NAV2: variants seen among roughly 807,000 people sequenced by gnomAD.
The protein encoded by NAV2 is helicase, APC down-regulated 1.
In NAV2, 54 loss-of-function variants were observed where a neutral mutation model predicts 223.2. The ratio of observed to expected loss-of-function variants is 0.24; its 90% confidence interval spans 0.19 to 0.30. The LOEUF is 0.30. Ranked by LOEUF, NAV2 falls within the 10% of genes least tolerant of loss-of-function variation. NAV2 has a pLI of 1.00. For missense variants in NAV2, 2,806 were observed against 3,147.5 expected, an observed-to-expected ratio of 0.89 and a Z score of 2.60; for synonymous variants, 1,279 against 1,239.3, an observed-to-expected ratio of 1.03 and a Z score of -0.67.
intron 12 of NAV2, among the ~76,000 whole-genome samples, chr11:20,038,683 A>G (rs906883353): frequency 2.0e-5 from 3 of 152,136 alleles, no homozygotes; most frequent in African/African-American, 7.2e-5. Flanking sequence ...GGTTCCTGTC[A>G]CATACTGGTT....
At chr11:19,492,417 G>A (rs1054174219) in intron 1 of NAV2, among the ~76,000 whole-genome samples, 1 of 152,102 alleles carries the variant, frequency 6.6e-6, no homozygotes, top group Non-Finnish European at 1.5e-5. Context: ...ATATCAGCAT[G>A]TGTCTGAAAG....
At chr11:19,600,699 T>C (rs896435677) in intron 1 of NAV2, among the ~76,000 whole-genome samples, 3 of 152,220 alleles carry the variant, frequency 2.0e-5, no homozygotes, top group Non-Finnish European at 2.9e-5. Context: ...CAATAGTAAC[T>C]ACTTTGTAGT....
intron 1 of NAV2, among the ~76,000 whole-genome samples, chr11:19,761,823 G>C (rs746213301): frequency 1.8e-4 from 28 of 152,144 alleles, no homozygotes; most frequent in Non-Finnish European, 7.3e-5. Context: ...CATGCTCCCG[G>C]TTTTCTCCTA....
intron 6 of NAV2, among the ~76,000 whole-genome samples, chr11:19,910,365 A>T (rs1030830048): frequency 2.0e-5 from 3 of 152,202 alleles, no homozygotes; most frequent in African/African-American, 7.2e-5. Context: ...CCAATGCCAG[A>T]TGAGTGGTCC....
intron 1 of NAV2, among the ~76,000 whole-genome samples, chr11:19,821,050 CAGA>C (rs1213657895): frequency 2.0e-5 from 3 of 152,110 alleles, no homozygotes; most frequent in African/African-American, 7.2e-5. Flanking sequence ...ATCACGAGGT[CAGA>C]AGATTGAGAC....
intron 1 of NAV2, among the ~76,000 whole-genome samples, chr11:19,357,782 C>T (rs1203440281): frequency 6.6e-6 from 1 of 152,146 alleles, no homozygotes; most frequent in African/African-American, 2.4e-5. Flanking sequence ...TGTAGCAATC[C>T]TGTAATAACT....
At chr11:19,695,890 T>TAAAATAAAATAAAATAAAATAATA (rs1265405901) in intron 1 of NAV2, among the ~76,000 whole-genome samples, 1 of 148,984 alleles carries the variant, frequency 6.7e-6, no homozygotes, top group Non-Finnish European at 1.5e-5. Flanking sequence ...GATGAAATAA[T>TAAAATAAAATAAAATAAAATAATA]AAAATAAAAT....
intron 3 of NAV2, among the ~76,000 whole-genome samples, chr11:19,848,650 G>A (rs1245995750): frequency 1.3e-5 from 2 of 152,234 alleles, no homozygotes; most frequent in Non-Finnish European, 2.9e-5. Flanking sequence ...AGGCTTCCAT[G>A]AGACAATCTA....
chr11:19,395,393 G>A (rs1469815271), intron 1 of NAV2, among the ~76,000 whole-genome samples: 2 of 152,204 alleles, frequency 1.3e-5, no homozygotes, highest in East Asian at 3.9e-4. Flanking sequence ...GATGTAGAGA[G>A]GACTCTTGTT....
At chr11:19,463,605 G>A (rs1254324043) in intron 1 of NAV2, among the ~76,000 whole-genome samples, 1 of 152,222 alleles carries the variant, frequency 6.6e-6, no homozygotes, top group Non-Finnish European at 1.5e-5. Flanking sequence ...GGAAAGCAGA[G>A]GTCCCCAGGA....
At chr11:19,957,351 G>C (rs1367516349) in intron 10 of NAV2, among the ~76,000 whole-genome samples, 2 of 152,114 alleles carry the variant, frequency 1.3e-5, no homozygotes, top group Non-Finnish European at 2.9e-5. Context: ...AATATCCCAG[G>C]CAAGTACAAT....
intron 37 of NAV2, among the ~76,000 whole-genome samples, chr11:20,117,836 A>G (rs1672279916): frequency 6.6e-6 from 1 of 152,230 alleles, no homozygotes; most frequent in African/African-American, 2.4e-5. Context: ...CTCTACGTAT[A>G]TTAACTCAAT....
intron 1 of NAV2, among the ~76,000 whole-genome samples, chr11:19,801,726 A>G (rs2058274145): frequency 6.6e-6 from 1 of 152,182 alleles, no homozygotes; most frequent in African/African-American, 2.4e-5. Context: ...ATCTGAGTTC[A>G]AATCCCGGCA....
At chr11:19,689,775 T>G (rs1364015170) in intron 1 of NAV2, among the ~76,000 whole-genome samples, 1 of 152,206 alleles carries the variant, frequency 6.6e-6, no homozygotes, top group Non-Finnish European at 1.5e-5. Context: ...TTGCAGGGTT[T>G]TGGTGTCACT....
intron 1 of NAV2, among the ~76,000 whole-genome samples, chr11:19,583,641 G>A (rs1200061937): frequency 2.6e-5 from 4 of 152,158 alleles, no homozygotes; most frequent in African/African-American, 7.2e-5. Context: ...ATAATCATGT[G>A]GTTTTTGTCG....
In NAV2 at chr11:19,387,920, A is replaced by C. The variant is rs185306270; in HGVS notation, c.75+36893A>C. Among the ~76,000 whole-genome samples, 154 of 152,240 alleles carry C rather than the reference A, an allele frequency of 1.0e-3. 1 individual carries two copies. Among genetic ancestry groups the C allele is most frequent in the Non-Finnish European group, 1.2e-3 (81 of 68,002 alleles). The stretch of plus-strand genomic sequence containing the variant: ...GATTCACCCACTTGTTCTCTTATGC[A>C]TCTCCTCTCTCAGTGAGCCAACCTC... On this transcript the variant is annotated intron_variant, in intron 1 of 37. Coordinates refer to the NAV2 transcript ENST00000360655.
intron 1 of NAV2, among the ~76,000 whole-genome samples, chr11:19,617,897 G>A (rs2135386587): frequency 6.6e-6 from 1 of 152,222 alleles, no homozygotes; most frequent in African/African-American, 2.4e-5. Flanking sequence ...CAGGGCCTTT[G>A]CACTTGCCAC....
chr11:19,554,583 A>G (rs2044804520), intron 1 of NAV2, among the ~76,000 whole-genome samples: 1 of 152,140 alleles, frequency 6.6e-6, no homozygotes, highest in African/African-American at 2.4e-5. Flanking sequence ...GGGCTTTGTG[A>G]CTTTCAGGCC....
intron 1 of NAV2, among the ~76,000 whole-genome samples, chr11:19,776,617 T>A (rs1207923056): frequency 9.1e-6 from 1 of 109,672 alleles, no homozygotes; most frequent in Non-Finnish European, 2.0e-5. Flanking sequence ...TGGTTAGAGT[T>A]GTGGGGGTCA....
Sources: allele counts gnomAD v4.1 joint callset (sites outside exome capture counted in the v4.1 genomes callset), GRCh38; gene constraint gnomAD v4.1.1; transcripts MANE v1.5; gene names NCBI Gene and HGNC (gene_info 2026-07-23, HGNC 2026-07-21).